Variants in TTC27 observed in about 807,000 individuals in gnomAD.
The protein encoded by TTC27 is tetratricopeptide repeat protein 27.
In TTC27, 79 loss-of-function variants were observed where a neutral mutation model predicts 115.9. The observed-to-expected ratio is 0.68, with a 90% CI of 0.57 to 0.82. The LOEUF (loss-of-function observed/expected upper bound fraction) is 0.82. Among genes scored for constraint, TTC27 ranks in the 40% least tolerant of loss-of-function variants. The pLI, the probability that TTC27 is intolerant of heterozygous loss-of-function variation, is 0.00. For synonymous variants in TTC27, 401 were observed against 356.0 expected (o/e 1.13, Z -1.42); for missense variants, 1,054 against 993.1 (o/e 1.06, Z -0.82).
At chr2:32,677,779 C>G (rs1256698896) in intron 8 of TTC27, among the ~76,000 whole-genome samples, 1 of 152,100 alleles carries the variant, frequency 6.6e-6, no homozygotes, top group African/African-American at 2.4e-5. Context: ...ATGATCCTAC[C>G]AATAATGTAA....
intron 10 of TTC27, among the ~76,000 whole-genome samples, chr2:32,707,544 C>G (rs1318287693): frequency 6.6e-6 from 1 of 152,094 alleles, no homozygotes; most frequent in Non-Finnish European, 1.5e-5. Flanking sequence ...CTCAAGTCTA[C>G]TTTTTGATCT....
chr2:32,639,544 C>T (rs1290666943), intron 3 of TTC27, among the ~76,000 whole-genome samples: 1 of 152,060 alleles, frequency 6.6e-6, no homozygotes, highest in Non-Finnish European at 1.5e-5. Flanking sequence ...GGTATTGAAG[C>T]TTAAGTGAAA....
chr2:32,720,941 G>A (rs1358513809), intron 10 of TTC27, among the ~76,000 whole-genome samples: 1 of 152,056 alleles, frequency 6.6e-6, no homozygotes. Context: ...TGGCAGACTT[G>A]GTATTGCCCT....
At chr2:32,692,429 G>T (rs937367995) in intron 9 of TTC27, among the ~76,000 whole-genome samples, 2 of 152,014 alleles carry the variant, frequency 1.3e-5, no homozygotes, top group African/African-American at 4.8e-5. Flanking sequence ...AAGGGGGATT[G>T]GGAGTTGTTT....
At chr2:32,803,318 C>G (rs1205641369) in intron 16 of TTC27, among the ~76,000 whole-genome samples, 1 of 152,250 alleles carries the variant, frequency 6.6e-6, no homozygotes, top group Non-Finnish European at 1.5e-5. Context: ...CTAGCCTGGT[C>G]TTCTGCCTTG....
intron 10 of TTC27, among the ~76,000 whole-genome samples, chr2:32,708,699 G>GTTGTTT (rs1553554436): frequency 6.6e-6 from 1 of 150,642 alleles, no homozygotes; most frequent in Non-Finnish European, 1.5e-5. Context: ...TGTTGTTGTT[G>GTTGTTT]TGTTTTGTTG....
intron 5 of TTC27, among the ~76,000 whole-genome samples, chr2:32,662,493 T>G (rs1452995988): frequency 6.6e-6 from 1 of 152,206 alleles, no homozygotes; most frequent in Non-Finnish European, 1.5e-5. Context: ...TGGTTTAGTC[T>G]TGGGAGGGTG....
At chr2:32,674,552 TGAA>T (rs1666128152) in intron 8 of TTC27, among the ~76,000 whole-genome samples, 2 of 152,244 alleles carry the variant, frequency 1.3e-5, no homozygotes, top group Non-Finnish European at 2.9e-5. Context: ...ATATAAAAGT[TGAA>T]TTCAGTTCTA....
intron 19 of TTC27, among the ~76,000 whole-genome samples, chr2:32,818,476 A>G (rs1671579795): frequency 1.3e-5 from 2 of 152,228 alleles, no homozygotes; most frequent in African/African-American, 4.8e-5. Context: ...GTGCTGGGCC[A>G]GAGATGCCTA....
intron 11 of TTC27, among the ~76,000 whole-genome samples, chr2:32,735,388 T>A (rs1668421307): frequency 6.6e-6 from 1 of 152,202 alleles, no homozygotes; most frequent in African/African-American, 2.4e-5. Flanking sequence ...ACTGAGCTGT[T>A]ATGACAAAAT....
chr2:32,636,253 G>A (rs1358545651), intron 3 of TTC27, among the ~76,000 whole-genome samples: 2 of 152,004 alleles, frequency 1.3e-5, no homozygotes, highest in Non-Finnish European at 2.9e-5. Context: ...TCACTCTGTC[G>A]CCCAGGCTGG....
Position 32,640,251 on chromosome 2 carries a change from T to C in TTC27, c.397-19T>C, listed in dbSNP as rs1370018769. 4.4e-6 allele frequency: 7 copies of C among 1,604,904 alleles called. No homozygotes were observed. Among genetic ancestry groups the C allele is most frequent in the Non-Finnish European group, 5.9e-6 (7 of 1,176,472 alleles). On this transcript the variant is annotated intron_variant, in intron 3 of 19. Coordinates refer to ENST00000317907, the MANE Select transcript of TTC27 (RefSeq NM_017735.5). ...ATTTTGTTAAATTATATCATCTTAG[T>C]TTATAATCCTTTTTTCAGGTTAAAG... is the stretch of plus-strand genomic sequence containing the variant.
At chr2:32,652,831 T>C (rs984218965) in intron 5 of TTC27, among the ~76,000 whole-genome samples, 24 of 152,176 alleles carry the variant, frequency 1.6e-4, no homozygotes, top group Non-Finnish European at 3.5e-4. Flanking sequence ...TGAAGGATCA[T>C]CAGAAAGTTG....
At chr2:32,697,571 C>G (rs962427839) in intron 9 of TTC27, among the ~76,000 whole-genome samples, 2 of 152,116 alleles carry the variant, frequency 1.3e-5, no homozygotes, top group Non-Finnish European at 2.9e-5. Context: ...CAAAATTCAA[C>G]AAAGATGAAC....
In TTC27 at chr2:32,758,416, G is replaced by A. The variant is rs2147993642; in HGVS notation, c.1577G>A (p.Ser526Asn). The change falls in exon 13 of 20, where the codon AGT (serine) becomes AAT (asparagine). Residue 526 changes from serine (S) to asparagine (N), a missense_variant. Transcript: ENST00000317907. ...DKAWELSRYRSARAQRSKALL... is the reference protein window; with the variant it reads ...DKAWELSRYRNARAQRSKALL... ...GCCTGGGAGTTGTCCCGGTACCGCA[G>A]TGCTCGTGCTCAGCGCTCCAAAGCC... The A allele has an allele frequency of 1.2e-6, 2 of 1,614,226 alleles. No individual in the cohort carries two copies. The highest frequency in any genetic ancestry group is 1.3e-5 in the African/African-American group (1 of 75,054).
chr2:32,795,146 AC>A (rs1205480615), intron 16 of TTC27, among the ~76,000 whole-genome samples: 136 of 144,884 alleles, frequency 9.4e-4, no homozygotes, highest in Middle Eastern at 3.5e-3. Flanking sequence ...AAAAAAAAAA[AC>A]AAACAAAACA....
chr2:32,726,414 G>T (rs753166563), intron 10 of TTC27, among the ~76,000 whole-genome samples: 1 of 152,102 alleles, frequency 6.6e-6, no homozygotes, highest in Non-Finnish European at 1.5e-5. Flanking sequence ...TCTCTCTCAA[G>T]TTCAAAGTTC....
chr2:32,819,221 G>T (rs1419986499), intron 19 of TTC27, among the ~76,000 whole-genome samples: 1 of 151,906 alleles, frequency 6.6e-6, no homozygotes, highest in Non-Finnish European at 1.5e-5. Flanking sequence ...GAATAGTATT[G>T]TCTGTGCAGG....
intron 18 of TTC27, among the ~76,000 whole-genome samples, chr2:32,814,837 A>G (rs1399464526): frequency 6.6e-6 from 1 of 152,194 alleles, no homozygotes; most frequent in Non-Finnish European, 1.5e-5. Flanking sequence ...AGTACACCCT[A>G]TGATGTTCTC....
Sources: gnomAD v4.1 joint callset for allele counts (sites outside exome capture counted in the v4.1 genomes callset) on GRCh38, gnomAD v4.1.1 for gene constraint, MANE v1.5 for transcripts, NCBI Gene and HGNC (gene_info 2026-07-23, HGNC 2026-07-21) for gene names.